PRMT7: variants seen among roughly 807,000 people sequenced by gnomAD.
PRMT7 encodes the protein protein arginine N-methyltransferase 7.
PRMT7 carries 75 observed loss-of-function variants against 85.4 expected under a neutral mutation model. The ratio of observed to expected loss-of-function variants is 0.88; its 90% CI spans 0.73 to 1.06. The LOEUF is 1.06. Ranked by LOEUF, PRMT7 falls within the 50% of genes least tolerant of loss-of-function variation. PRMT7 has a pLI of 0.00. For synonymous variants in PRMT7, 397 were observed against 359.5 expected, an observed-to-expected ratio of 1.10 and a Z score of -1.18; for missense variants, 868 against 915.2, an observed-to-expected ratio of 0.95 and a Z score of 0.67.
chr16:68,336,083 A>C (rs1177850189), intron 6 of PRMT7, among the ~76,000 whole-genome samples: 3 of 152,126 alleles, frequency 2.0e-5, no homozygotes, highest in African/African-American at 7.2e-5. Context: ...GGCCCCTGTC[A>C]GCTGCTTTCA....
chr16:68,324,878 A>G, intron 5 of PRMT7, 46 bp downstream of exon 5: 1 of 1,608,506 alleles, frequency 6.2e-7, no homozygotes, highest in Non-Finnish European at 8.5e-7. Flanking sequence ...TGCATGGGAA[A>G]TCCCCTATGC....
At chr16:68,358,796 T>C (rs1476974779), downstream of PRMT7, 1 of 152,548 alleles carries the variant, frequency 6.6e-6, no homozygotes, top group Non-Finnish European at 1.5e-5. Flanking sequence ...TGCTAGGCCT[T>C]AGATGCCACA....
intron 3 of PRMT7, among the ~76,000 whole-genome samples, chr16:68,317,473 C>A (rs1229301812): frequency 6.6e-6 from 1 of 152,112 alleles, no homozygotes; most frequent in Non-Finnish European, 1.5e-5. Context: ...GAGGCCAAGG[C>A]AGGAGGATTG....
intron 14 of PRMT7, among the ~76,000 whole-genome samples, chr16:68,350,832 T>C (rs1352575537): frequency 6.6e-6 from 1 of 152,238 alleles, no homozygotes; most frequent in Non-Finnish European, 1.5e-5. Context: ...GTGTGGTCTT[T>C]CGTGGCTGGC....
In PRMT7 at chr16:68,339,326, A is replaced by T; in HGVS notation, c.509A>T (p.Asn170Ile). 6.2e-7 allele frequency: 1 copy of T among 1,613,726 alleles called. No homozygotes were observed. Among genetic ancestry groups the T allele is most frequent in the East Asian group, 2.2e-5 (1 of 44,872 alleles). Residue 170 changes from asparagine to isoleucine, a missense_variant, in exon 8 of 19, where the codon AAT (asparagine) becomes ATT (isoleucine). Coordinates refer to ENST00000441236, the MANE Select transcript of PRMT7 (RefSeq NM_019023.5). ...TTGTTTTTAATATAAACTTAGGAAA[A>T]TTGTGAGGCCGTGCCCCACAGAGCC... Reference protein sequence around the residue: ...EHAHRHLVEENCEAVPHRATV... With the variant: ...EHAHRHLVEEICEAVPHRATV...
Position 68,355,801 on chromosome 16 carries a change from C to T in PRMT7, c.1729C>T (p.Pro577Ser), listed in dbSNP as rs1431078597. The T allele has an allele frequency of 6.2e-7, 1 of 1,611,944 alleles. No individual in the cohort carries two copies. The highest frequency in any genetic ancestry group is 8.5e-7 in the Non-Finnish European group (1 of 1,179,460). The change falls in exon 17 of 19, where the codon CCC becomes TCC. Residue 577 changes from proline (P) to serine (S), a missense_variant. By Grantham distance (74) the Pro-to-Ser change is moderately conservative. Coordinates refer to ENST00000441236, the MANE Select transcript of PRMT7 (RefSeq NM_019023.5). ...WEYPCRSLSE[P>S]WQILTFDFQQ... ...GTACCCATGCCGCAGCCTCTCCGAG[C>T]CCTGGCAGATCCTGACCTTTGACTT...
chr16:68,355,355 T>G, intron 16 of PRMT7: 4 of 172,560 alleles, frequency 2.3e-5, no homozygotes, highest in Non-Finnish European at 3.7e-5. Context: ...CTGTCACGCA[T>G]TTATCCCTCC....
chr16:68,352,381 C>T lies in PRMT7; in HGVS notation c.1547C>T (p.Ser516Leu), dbSNP rs1217149803. Reference sequence around the variant, plus strand: ...GCCATGGTGATGCCCCAGGCAGCCTCGCTGCACGCTGTGGTTGTGGAGTTC... The same window carrying T: ...GCCATGGTGATGCCCCAGGCAGCCTTGCTGCACGCTGTGGTTGTGGAGTTC... ...PGAMVMPQAA[S>L]LHAVVVEFRD... Residue 516 changes from serine to leucine, a missense_variant, in exon 15 of 19, where the codon TCG becomes TTG. Transcript: ENST00000441236. 7 of 1,607,384 alleles carry T rather than the reference C, an allele frequency of 4.4e-6. No individual in the cohort carries two copies. Among genetic ancestry groups the T allele is most frequent in the Admixed American group, 1.7e-5 (1 of 59,966 alleles).
rs777581124 is a variant in PRMT7, at chr16:68,316,015, G to C, written c.36G>C (p.Thr12=). The C allele has an allele frequency of 1.2e-6, 2 of 1,613,736 alleles. No individual in the cohort carries two copies. Among genetic ancestry groups the C allele is most frequent in the East Asian group, 4.5e-5 (2 of 44,882 alleles). ...KIFCSRANPT[T]GSVEWLEEDE... is the part of the protein sequence containing the mutation. ...TCTGCAGTCGGGCCAATCCGACCAC[G>C]GGGTCTGTGGAGTGGCTGGAGGAGG... is the stretch of plus-strand genomic sequence containing the variant. Residue 12 remains threonine, a synonymous_variant, in exon 3 of 19, where the codon ACG becomes ACC. Transcript: ENST00000441236.
chr16:68,349,217 C>CCT (rs1222200618), intron 14 of PRMT7, among the ~76,000 whole-genome samples: 1 of 152,072 alleles, frequency 6.6e-6, no homozygotes, highest in East Asian at 1.9e-4. Context: ...GTCGCTTTCC[C>CCT]CTCACCTTCC....
chr16:68,314,768 T>G (rs1211655117), intron 2 of PRMT7, among the ~76,000 whole-genome samples: 1 of 152,180 alleles, frequency 6.6e-6, no homozygotes. Context: ...CCACACCTGC[T>G]GAGGAGTGCC....
chr16:68,337,273 G>A (rs1205658300), intron 6 of PRMT7, among the ~76,000 whole-genome samples, 186 bp from the exon 7 acceptor site: 4 of 151,682 alleles, frequency 2.6e-5, no homozygotes, highest in Non-Finnish European at 5.9e-5. Context: ...ATTTACATAT[G>A]GATTTTTTTT....
intron 1 of PRMT7, chr16:68,311,323 T>C (rs1192129787): frequency 6.3e-6 from 2 of 319,440 alleles, no homozygotes; most frequent in Non-Finnish European, 1.2e-5. Context: ...CGGGGCTCTG[T>C]CGCAGTACTC....
intron 3 of PRMT7, among the ~76,000 whole-genome samples, chr16:68,316,347 T>C (rs914273325): frequency 6.6e-6 from 1 of 152,218 alleles, no homozygotes; most frequent in African/African-American, 2.4e-5. Context: ...CTCAGTAGTG[T>C]TGATGAAGTT....
chr16:68,338,117 A>C (rs1320728846), intron 7 of PRMT7, among the ~76,000 whole-genome samples: 1 of 152,072 alleles, frequency 6.6e-6, no homozygotes, highest in Non-Finnish European at 1.5e-5. Context: ...GAAGCAGAGG[A>C]TTGACAGCAG....
intron 16 of PRMT7, among the ~76,000 whole-genome samples, chr16:68,354,106 C>T (rs181859698): frequency 9.1e-4 from 139 of 152,298 alleles, no homozygotes; most frequent in Middle Eastern, 3.4e-3. Flanking sequence ...AGGAAATGCA[C>T]GTGGCTCCTG....
At chr16:68,321,539 G>T in intron 4 of PRMT7, 77 bp downstream of exon 4, 1 of 1,393,236 alleles carries the variant, frequency 7.2e-7, no homozygotes, top group Non-Finnish European at 1.0e-6. Flanking sequence ...AAGAATCCCT[G>T]GGGGTCATGA....
chr16:68,334,807 A>G (rs1388479718), intron 6 of PRMT7, among the ~76,000 whole-genome samples: 2 of 150,826 alleles, frequency 1.3e-5, no homozygotes, highest in Non-Finnish European at 3.0e-5. Flanking sequence ...TTTAATTTTT[A>G]TTATTTTTTG....
chr16:68,349,868 ATGGCTGACAGAGT>A (rs1265314379), intron 14 of PRMT7, among the ~76,000 whole-genome samples: 2 of 152,192 alleles, frequency 1.3e-5, no homozygotes, highest in African/African-American at 4.8e-5. Context: ...GCACTACAGC[ATGGCTGACAGAGT>A]GATACCTTGT....
Sources: allele counts gnomAD v4.1 joint callset (sites outside exome capture counted in the v4.1 genomes callset), GRCh38; gene constraint gnomAD v4.1.1; transcripts MANE v1.5; gene names NCBI Gene and HGNC (gene_info 2026-07-23, HGNC 2026-07-21).